The following ARHGAP42 variants were observed in gnomAD, a reference collection of about 807,000 sequenced individuals.
ARHGAP42 encodes the protein rho GTPase-activating protein 42.
Under a neutral mutation model 125.0 loss-of-function variants are expected in ARHGAP42, and 63 were observed. The observed-to-expected ratio is 0.50, with a 90% confidence interval of 0.41 to 0.62. The LOEUF (loss-of-function observed/expected upper bound fraction) is 0.62. ARHGAP42 is among the 20% of genes least tolerant of loss of function. The pLI, the probability that ARHGAP42 is intolerant of heterozygous loss-of-function variation, is 0.00. For synonymous variants in ARHGAP42, 339 were observed against 351.0 expected (o/e 0.97, Z 0.38); for missense variants, 766 against 1,024.2 (o/e 0.75, Z 3.44).
chr11:100,966,377 G>T (rs1401190271), intron 17 of ARHGAP42, among the ~76,000 whole-genome samples: 1 of 152,172 alleles, frequency 6.6e-6, no homozygotes, highest in African/African-American at 2.4e-5. Context: ...TTGATTTTAA[G>T]GAATTGGTTC....
chr11:100,900,822 A>T (rs1476361244), intron 4 of ARHGAP42, among the ~76,000 whole-genome samples: 1 of 151,470 alleles, frequency 6.6e-6, no homozygotes, highest in Non-Finnish European at 1.5e-5. Context: ...ACCCTTTTTC[A>T]AGGGTTTGAA....
In ARHGAP42 at chr11:100,696,095, G is replaced by A. The variant is rs142203210; in HGVS notation, c.154+8263G>A. ...AAAAAATTAGCTGGTGTAGTGATGC[G>A]TGCCTGTAGTCCCAGCTCCTTGGGA... On this transcript the variant is annotated intron_variant, in intron 1 of 23. Transcript: ENST00000298815. Among the ~76,000 whole-genome samples, 942 of 152,122 alleles carry A rather than the reference G, an allele frequency of 6.2e-3. 17 individuals are homozygous for A. Among genetic ancestry groups the A allele is most frequent in the Admixed American group, 0.027 (406 of 15,292 alleles).
At chr11:100,748,285 G>A (rs535509805) in intron 1 of ARHGAP42, among the ~76,000 whole-genome samples, 1 of 152,300 alleles carries the variant, frequency 6.6e-6, no homozygotes, top group East Asian at 1.9e-4. Context: ...GGTTTGAGCA[G>A]GCCAATTATT....
chr11:100,976,257 T>C lies in ARHGAP42; in HGVS notation c.2056T>C (p.Ser686Pro). The stretch of plus-strand genomic sequence containing the variant: ...TGGTCTGTGGACAACTAGTCCTGAA[T>C]CAAGTTCCAGAGAAGATGCAACCAA... ...SLGLWTTSPE[S>P]SSREDATKTD... is the part of the protein sequence containing the mutation. The change falls in exon 20 of 24, where the codon TCA (serine) becomes CCA (proline). Residue 686 changes from serine (S) to proline (P), a missense_variant. Ser to Pro is a moderately conservative substitution (Grantham distance 74, BLOSUM62 -1). This residue lies in a region of ARHGAP42 where 308 missense variants were observed against 369.7 expected (regional missense o/e 0.83). Transcript: ENST00000298815. 1 of 1,551,610 alleles carries C rather than the reference T, an allele frequency of 6.4e-7. No homozygotes were observed. The highest frequency in any genetic ancestry group is 8.7e-7 in the Non-Finnish European group (1 of 1,146,920).
At chr11:100,702,259 G>A (rs930284802) in intron 1 of ARHGAP42, among the ~76,000 whole-genome samples, 22 of 152,100 alleles carry the variant, frequency 1.4e-4, no homozygotes, top group African/African-American at 5.3e-4. Flanking sequence ...CAGAGAATAG[G>A]GAGGCAGAAA....
intron 2 of ARHGAP42, among the ~76,000 whole-genome samples, chr11:100,773,873 C>G (rs1003476022): frequency 4.6e-5 from 7 of 151,888 alleles, no homozygotes; most frequent in East Asian, 1.9e-4. Context: ...GGTTGGAGAT[C>G]AGGAGATGAA....
intron 1 of ARHGAP42, among the ~76,000 whole-genome samples, chr11:100,740,899 G>A (rs1862170704): frequency 6.6e-6 from 1 of 152,186 alleles, no homozygotes; most frequent in South Asian, 2.1e-4. Flanking sequence ...ACTTTAATTA[G>A]TTATTCCTGG....
intron 4 of ARHGAP42, among the ~76,000 whole-genome samples, chr11:100,886,165 A>G (rs1375119221): frequency 6.6e-6 from 1 of 152,250 alleles, no homozygotes; most frequent in Non-Finnish European, 1.5e-5. Context: ...TTTAGATTTC[A>G]AAGGATTCAA....
intron 3 of ARHGAP42, among the ~76,000 whole-genome samples, chr11:100,807,905 C>G (rs771006356): frequency 6.6e-6 from 1 of 152,166 alleles, no homozygotes; most frequent in Non-Finnish European, 1.5e-5. Flanking sequence ...TGGGGAAGTG[C>G]TAGTCTTTAT....
intron 4 of ARHGAP42, among the ~76,000 whole-genome samples, chr11:100,890,852 C>T (rs946233234): frequency 2.6e-5 from 4 of 152,022 alleles, no homozygotes; most frequent in African/African-American, 7.2e-5. Flanking sequence ...AAAATAGTAT[C>T]GTGTTTAGAG....
intron 3 of ARHGAP42, among the ~76,000 whole-genome samples, chr11:100,807,870 G>C (rs1199806578): frequency 1.3e-5 from 2 of 152,046 alleles, no homozygotes; most frequent in African/African-American, 4.8e-5. Context: ...CTCTGCTGTT[G>C]GCCATCACTT....
chr11:100,965,813 G>T, intron 17 of ARHGAP42, 37 bp downstream of exon 17: 1 of 1,488,684 alleles, frequency 6.7e-7, no homozygotes, highest in Non-Finnish European at 9.2e-7. Flanking sequence ...TTAACTTATT[G>T]TTCATTGTTA....
intron 1 of ARHGAP42, among the ~76,000 whole-genome samples, chr11:100,691,105 C>G (rs1861182116): frequency 6.6e-6 from 1 of 152,140 alleles, no homozygotes; most frequent in Non-Finnish European, 1.5e-5. Context: ...ATTGTTTGCT[C>G]ATTTTGTTAT....
chr11:100,771,832 C>T (rs955185424), intron 2 of ARHGAP42, among the ~76,000 whole-genome samples: 4 of 152,032 alleles, frequency 2.6e-5, no homozygotes, highest in African/African-American at 9.7e-5. Context: ...GAACTCCTGA[C>T]CTTGTGATCC....
intron 1 of ARHGAP42, among the ~76,000 whole-genome samples, chr11:100,760,963 T>C (rs1340032204): frequency 6.6e-6 from 1 of 152,076 alleles, no homozygotes; most frequent in Non-Finnish European, 1.5e-5. Context: ...GAGTAAGTTG[T>C]AAATGCTTGG....
Position 100,961,714 on chromosome 11 carries a change from A to G in ARHGAP42, c.1331A>G (p.Asp444Gly), listed in dbSNP as rs2135300762. ...SPKSPPDIDI[D>G]IELWDNKTIT... is the part of the protein sequence containing the mutation. ...AAATCCCCTCCTGATATTGATATTG[A>G]TATTGAACTGTGGGACAATAAGACG... The change falls in exon 15 of 24, where the codon GAT (aspartate) becomes GGT (glycine). Residue 444 changes from aspartate to glycine, a missense_variant. Transcript: ENST00000298815. 6.4e-7 allele frequency: 1 copy of G among 1,551,724 alleles called. No individual in the cohort carries two copies. The highest frequency in any genetic ancestry group is 8.7e-7 in the Non-Finnish European group (1 of 1,146,842).
At position 100,838,980 on chromosome 11, in the gene ARHGAP42, C is replaced by CT. The variant is rs577284328; in HGVS notation, c.313-20563dup. Among the ~76,000 whole-genome samples the CT allele has an allele frequency of 1.8e-3, 259 of 146,830 alleles. 2 individuals carry two copies. Among genetic ancestry groups the CT allele is most frequent in the South Asian group, 0.017 (80 of 4,632 alleles). The stretch of plus-strand genomic sequence containing the variant: ...TCCTAGTGTCCCAATGAAATTATAA[C>CT]TTTTTTTTTTTAGGACAAGGGCCAT... On this transcript the variant is annotated intron_variant, in intron 3 of 23. Coordinates refer to ENST00000298815, the MANE Select transcript of ARHGAP42 (RefSeq NM_152432.4).
intron 3 of ARHGAP42, among the ~76,000 whole-genome samples, chr11:100,807,580 C>T (rs1490634814): frequency 6.6e-6 from 1 of 152,152 alleles, no homozygotes; most frequent in Non-Finnish European, 1.5e-5. Flanking sequence ...TGTCGACCTC[C>T]AGTAAGTGAC....
chr11:100,751,923 G>T (rs1188161953), intron 1 of ARHGAP42, among the ~76,000 whole-genome samples: 1 of 151,762 alleles, frequency 6.6e-6, no homozygotes, highest in Admixed American at 6.6e-5. Context: ...GGGATTACAG[G>T]TGCCTGCCAC....
Sources: gnomAD v4.1 joint callset for allele counts (sites outside exome capture counted in the v4.1 genomes callset) on GRCh38, gnomAD v4.1.1 for gene constraint, gnomAD v4.1.1 regional missense constraint, MANE v1.5 for transcripts, NCBI Gene and HGNC (gene_info 2026-07-23, HGNC 2026-07-21) for gene names.